SMCO2: variants seen among roughly 807,000 people sequenced by gnomAD.
The protein encoded by SMCO2 is single-pass membrane and coiled-coil domain-containing protein 2.
In SMCO2, 25 loss-of-function variants were observed where a neutral mutation model predicts 29.5. The observed-to-expected ratio is 0.85, with a 90% CI of 0.62 to 1.18. SMCO2 has a LOEUF of 1.18. Ranked by LOEUF, SMCO2 falls within the 50% of genes most tolerant of loss-of-function variation. The probability of loss-of-function intolerance (pLI) is 0.00; values close to 1 mark genes in which losing one functional copy is unlikely to be tolerated. For synonymous variants in SMCO2, 117 were observed against 123.3 expected, an observed-to-expected ratio of 0.95 and a Z score of 0.34; for missense variants, 348 against 344.5, an observed-to-expected ratio of 1.01 and a Z score of -0.08.
the SMCO2 span, among the ~76,000 whole-genome samples, chr12:27,453,019 A>G: frequency 1.4e-4 from 22 of 152,304 alleles, no homozygotes; most frequent in African/African-American, 4.8e-4. Context: ...AGAGCATTAG[A>G]GCCCATGGCC....
At chr12:27,465,955 C>T (rs965697446), upstream of SMCO2, among the ~76,000 whole-genome samples, 17 of 151,998 alleles carry the variant, frequency 1.1e-4, no homozygotes, top group African/African-American at 4.1e-4. Context: ...ACTGTTAGGC[C>T]CTTTCCATGG....
At chr12:27,473,056 A>T (rs1245821831) in intron 3 of SMCO2, 181 bp downstream of exon 3, 3 of 534,652 alleles carry the variant, frequency 5.6e-6, no homozygotes, top group Non-Finnish European at 9.9e-6. Context: ...TTCCCACTGG[A>T]TGCTGCTGTT....
intron 4 of SMCO2, 32 bp from the exon 6 acceptor site, chr12:27,488,428 C>T (rs1949707256): frequency 4.3e-5 from 61 of 1,404,614 alleles, no homozygotes; most frequent in Non-Finnish European, 5.7e-5. Context: ...TTTTCTTAAT[C>T]TGCAGGCCTT....
intron 2 of SMCO2, among the ~76,000 whole-genome samples, chr12:27,472,286 A>G (rs1949547149): frequency 6.6e-6 from 1 of 152,202 alleles, no homozygotes; most frequent in Non-Finnish European, 1.5e-5. Context: ...ACATGCATAC[A>G]TAAACATCTC....
chr12:27,477,999 G>A (rs1434720853), intron 4 of SMCO2, among the ~76,000 whole-genome samples: 2 of 151,946 alleles, frequency 1.3e-5, no homozygotes, highest in South Asian at 2.1e-4. Context: ...TTCTTACATT[G>A]ATATCTATAC....
chr12:27,492,234 A>T (rs1365093958), intron 5 of SMCO2, among the ~76,000 whole-genome samples: 2 of 152,148 alleles, frequency 1.3e-5, no homozygotes, highest in Non-Finnish European at 2.9e-5. Flanking sequence ...TTTCTATGCT[A>T]GTAGATGTCG....
At chr12:27,450,466 T>G in the SMCO2 span, among the ~76,000 whole-genome samples, 2 of 152,162 alleles carry the variant, frequency 1.3e-5, no homozygotes, top group Admixed American at 1.3e-4. Flanking sequence ...AATCCAACAC[T>G]AGTAAGGCTA....
exon 2 of SMCO2, chr12:27,470,756 C>A: frequency 6.4e-7 from 1 of 1,550,550 alleles, no homozygotes; most frequent in African/African-American, 1.4e-5. Context: ...ACTGAAGGTG[C>A]AATGCAGGAG....
At chr12:27,483,101 A>G (rs748167518) in intron 4 of SMCO2, among the ~76,000 whole-genome samples, 10 of 152,228 alleles carry the variant, frequency 6.6e-5, no homozygotes, top group Non-Finnish European at 1.5e-4. Context: ...TATGTGTGCA[A>G]TACAATAGTA....
chr12:27,430,490 C>G, the SMCO2 span, among the ~76,000 whole-genome samples: 4 of 152,020 alleles, frequency 2.6e-5, no homozygotes, highest in East Asian at 5.8e-4. Flanking sequence ...GAGAATTGCT[C>G]GAACCCAGGA....
chr12:27,492,221 A>C (rs1306402343), intron 5 of SMCO2, among the ~76,000 whole-genome samples: 1 of 152,064 alleles, frequency 6.6e-6, no homozygotes, highest in Non-Finnish European at 1.5e-5. Context: ...TTTCTTCAAC[A>C]ATTTTCTATG....
At chr12:27,458,524 A>G in the SMCO2 span, among the ~76,000 whole-genome samples, 1 of 152,162 alleles carries the variant, frequency 6.6e-6, no homozygotes, top group Non-Finnish European at 1.5e-5. Flanking sequence ...TATTATCTAC[A>G]CTAAATTTTT....
chr12:27,458,708 A>T, the SMCO2 span, among the ~76,000 whole-genome samples: 1 of 151,950 alleles, frequency 6.6e-6, no homozygotes, highest in Non-Finnish European at 1.5e-5. Flanking sequence ...CAGCATGGTG[A>T]AACCCCCATC....
chr12:27,497,037 T>C (rs922633607), intron 7 of SMCO2: 1 of 154,604 alleles, frequency 6.5e-6, no homozygotes, highest in Non-Finnish European at 1.5e-5. Context: ...TTAAACCATG[T>C]AGGAGATTGG....
chr12:27,444,586 T>C, the SMCO2 span, among the ~76,000 whole-genome samples: 1 of 152,212 alleles, frequency 6.6e-6, no homozygotes, highest in Non-Finnish European at 1.5e-5. Flanking sequence ...AAAATATTTG[T>C]AAACATCACT....
the SMCO2 span, among the ~76,000 whole-genome samples, chr12:27,447,930 A>T: frequency 6.6e-6 from 1 of 152,140 alleles, no homozygotes; most frequent in South Asian, 2.1e-4. Context: ...ATGTGCTGCC[A>T]CCGCAACCTT....
the SMCO2 span, among the ~76,000 whole-genome samples, chr12:27,451,227 G>A: frequency 1.3e-5 from 2 of 152,186 alleles, no homozygotes; most frequent in African/African-American, 2.4e-5. Context: ...CAAAACTGTT[G>A]CTCCCAGGGG....
intron 4 of SMCO2, among the ~76,000 whole-genome samples, chr12:27,479,248 T>C (rs1264758665): frequency 6.6e-6 from 1 of 151,926 alleles, no homozygotes; most frequent in African/African-American, 2.4e-5. Flanking sequence ...CCCTGGATAG[T>C]GTGCCCTGGT....
chr12:27,436,867 C>T, the SMCO2 span, among the ~76,000 whole-genome samples: 11 of 152,282 alleles, frequency 7.2e-5, no homozygotes, highest in East Asian at 1.9e-3. Context: ...TTGTCTTGCC[C>T]ATTCCCTATT....
Sources: gnomAD v4.1 joint callset for allele counts (sites outside exome capture counted in the v4.1 genomes callset) on GRCh38, gnomAD v4.1.1 for gene constraint, MANE v1.5 for transcripts, NCBI Gene and HGNC (gene_info 2026-07-23, HGNC 2026-07-21) for gene names.